PHACTR3: variants seen among roughly 807,000 people sequenced by gnomAD.
The protein encoded by PHACTR3 is phosphatase and actin regulator 3, also known as protein phosphatase 1, regulatory subunit 123.
In PHACTR3, 16 loss-of-function variants were observed where a neutral mutation model predicts 66.8. That is an observed-to-expected ratio of 0.24 (90% CI 0.16 to 0.36). The LOEUF (loss-of-function observed/expected upper bound fraction) is 0.36, where lower values mean the gene tolerates loss of function less well. PHACTR3 is among the 10% of genes least tolerant of loss of function. The probability of loss-of-function intolerance (pLI) is 1.00; values close to 1 mark genes in which losing one functional copy is unlikely to be tolerated. For synonymous variants in PHACTR3, 323 were observed against 292.1 expected (o/e 1.11, Z -1.08); for missense variants, 647 against 719.9 (o/e 0.90, Z 1.16).
At chr20:59,701,282 G>A (rs1442206511) in intron 1 of PHACTR3, among the ~76,000 whole-genome samples, 1 of 152,216 alleles carries the variant, frequency 6.6e-6, no homozygotes, top group Non-Finnish European at 1.5e-5. Flanking sequence ...TTGTGAGGCT[G>A]AGATCAGTGT....
chr20:59,604,499 A>G, upstream of PHACTR3: 1 of 495,672 alleles, frequency 2.0e-6, no homozygotes, highest in Non-Finnish European at 2.6e-6. Flanking sequence ...ATGATGGGAG[A>G]ATCCTAATGT....
chr20:59,805,960 G>T, intron 7 of PHACTR3, 81 bp from the exon 8 acceptor site: 1 of 1,468,752 alleles, frequency 6.8e-7, no homozygotes, highest in Non-Finnish European at 9.2e-7. Context: ...CAGGTGGGCG[G>T]CTCCATTGAC....
intron 11 of PHACTR3, chr20:59,843,979 A>G (rs2059108946): frequency 6.6e-6 from 1 of 152,152 alleles, no homozygotes; most frequent in Non-Finnish European, 1.5e-5. Flanking sequence ...TCAAAAAACA[A>G]AACAAATAAT....
At chr20:59,591,765 C>T (rs1436744422) in intron 1 of PHACTR3, among the ~76,000 whole-genome samples, 1 of 152,196 alleles carries the variant, frequency 6.6e-6, no homozygotes, top group Non-Finnish European at 1.5e-5. Context: ...AGTGTCACCG[C>T]AGAAACCATG....
intron 1 of PHACTR3, among the ~76,000 whole-genome samples, chr20:59,683,361 C>A (rs2036734397): frequency 6.6e-6 from 1 of 152,198 alleles, no homozygotes; most frequent in Admixed American, 6.5e-5. Flanking sequence ...TGGGCTGAAG[C>A]TGTGCATTCG....
intron 1 of PHACTR3, among the ~76,000 whole-genome samples, chr20:59,698,060 G>T (rs1223010512): frequency 6.6e-6 from 1 of 152,140 alleles, no homozygotes; most frequent in Non-Finnish European, 1.5e-5. Context: ...TATCAACATT[G>T]TGTGTAATTA....
chr20:59,803,665 T>C (rs553909107), intron 7 of PHACTR3, among the ~76,000 whole-genome samples: 3 of 152,364 alleles, frequency 2.0e-5, no homozygotes, highest in Non-Finnish European at 2.9e-5. Context: ...TTTTAATAGG[T>C]ACACAATATT....
At chr20:59,845,101 G>C (rs1303614126) in intron 11 of PHACTR3, 88 bp from the exon 12 acceptor site, 1 of 845,044 alleles carries the variant, frequency 1.2e-6, no homozygotes, top group East Asian at 2.7e-5. Flanking sequence ...AGTCAACAAG[G>C]ATTAGGAATG....
At chr20:59,706,286 A>G (rs1321978123) in intron 1 of PHACTR3, among the ~76,000 whole-genome samples, 1 of 152,238 alleles carries the variant, frequency 6.6e-6, no homozygotes, top group Non-Finnish European at 1.5e-5. Flanking sequence ...GAAGAGTCTG[A>G]TAAGGCCACC....
chr20:59,771,970 G>A (rs2040377085), intron 5 of PHACTR3, among the ~76,000 whole-genome samples: 2 of 152,196 alleles, frequency 1.3e-5, no homozygotes, highest in South Asian at 2.1e-4. Context: ...CTGCCAGGAC[G>A]CTTTTGGAAT....
In PHACTR3 at chr20:59,830,871, C is replaced by T. The variant is rs1030449472; in HGVS notation, c.1329-5634C>T. The stretch of plus-strand genomic sequence containing the variant: ...CTAGCTCTGTGCCAGTGCTGGGGCA[C>T]CAGTGCTGACTGTGGAATAGACAGT... On this transcript the variant is annotated intron_variant, in intron 8 of 12. Transcript: ENST00000371015. This position sits in a 1 kb window ranked among gnomAD's most constrained non-coding sequence, Gnocchi z 5.8. Among the ~76,000 whole-genome samples, 3 of 152,112 alleles carry T rather than the reference C, an allele frequency of 2.0e-5. No individual in the cohort carries two copies. Among genetic ancestry groups the T allele is most frequent in the African/African-American group, 4.8e-5 (2 of 41,402 alleles).
At chr20:59,702,098 T>A (rs2037528864) in intron 1 of PHACTR3, among the ~76,000 whole-genome samples, 1 of 152,248 alleles carries the variant, frequency 6.6e-6, no homozygotes, top group African/African-American at 2.4e-5. Context: ...AATTTGTTTA[T>A]CCATTTACCT....
chr20:59,831,959 G>C (rs2042396852), intron 8 of PHACTR3, among the ~76,000 whole-genome samples: 1 of 152,182 alleles, frequency 6.6e-6, no homozygotes, highest in Admixed American at 6.5e-5. Context: ...CCTGGCCTGA[G>C]TGGCGACTGT....
chr20:59,831,787 G>A (rs1445393934), intron 8 of PHACTR3, among the ~76,000 whole-genome samples: 1 of 152,224 alleles, frequency 6.6e-6, no homozygotes, highest in Non-Finnish European at 1.5e-5. Context: ...AGGCTATGTA[G>A]TGAGGGAGAG....
At chr20:59,594,276 A>T (rs1331487210) in intron 1 of PHACTR3, among the ~76,000 whole-genome samples, 2 of 150,658 alleles carry the variant, frequency 1.3e-5, no homozygotes, top group Non-Finnish European at 2.9e-5. Flanking sequence ...TCTGTGTGTT[A>T]TCCTTGTATC....
At chr20:59,732,571 A>G (rs2038805698) in intron 1 of PHACTR3, among the ~76,000 whole-genome samples, 1 of 152,138 alleles carries the variant, frequency 6.6e-6, no homozygotes, top group African/African-American at 2.4e-5. Flanking sequence ...TAACCAGTAA[A>G]GGAGAGAAAG....
chr20:59,816,538 C>G (rs8183173), intron 8 of PHACTR3, among the ~76,000 whole-genome samples: 2 of 152,202 alleles, frequency 1.3e-5, no homozygotes, highest in African/African-American at 4.8e-5. Context: ...GCTCAAAGTC[C>G]TTTTCCTTAG....
intron 11 of PHACTR3, among the ~76,000 whole-genome samples, chr20:59,842,255 T>G (rs898490403): frequency 2.0e-5 from 3 of 152,206 alleles, no homozygotes; most frequent in Admixed American, 2.0e-4. Context: ...GTCACCTTCT[T>G]GCTTCTATTA....
intron 7 of PHACTR3, among the ~76,000 whole-genome samples, chr20:59,803,090 G>A (rs987118186): frequency 6.6e-6 from 1 of 152,238 alleles, no homozygotes; most frequent in Non-Finnish European, 1.5e-5. Context: ...TGGGGGGAAT[G>A]AGTCTTTGAA....
Sources: gnomAD v4.1 joint callset for allele counts (sites outside exome capture counted in the v4.1 genomes callset) on GRCh38, gnomAD v4.1.1 for gene constraint, Gnocchi (gnomAD v3.1) non-coding constraint, MANE v1.5 for transcripts, NCBI Gene and HGNC (gene_info 2026-07-23, HGNC 2026-07-21) for gene names.